Variants in HHIPL2 observed in about 807,000 individuals in gnomAD.
HHIPL2 encodes the protein HHIP-like protein 2.
Under a neutral mutation model 61.0 loss-of-function variants are expected in HHIPL2, and 61 were observed. The ratio of observed to expected loss-of-function variants is 1.00; its 90% CI spans 0.81 to 1.24. The LOEUF is 1.24. Ranked by LOEUF, HHIPL2 falls within the 50% of genes most tolerant of loss-of-function variation. The pLI is 0.00. For missense variants in HHIPL2, 885 were observed against 910.2 expected, an observed-to-expected ratio of 0.97 and a Z score of 0.36; for synonymous variants, 343 against 357.4, an observed-to-expected ratio of 0.96 and a Z score of 0.45.
intron 5 of HHIPL2, 126 bp downstream of exon 5, chr1:222,538,522 G>A: frequency 1.2e-6 from 1 of 842,968 alleles, no homozygotes. Flanking sequence ...GGTAATATGA[G>A]TGCATACATT....
chr1:222,526,609 G>C (rs567581376), intron 7 of HHIPL2, among the ~76,000 whole-genome samples: 95 of 151,226 alleles, frequency 6.3e-4, no homozygotes, highest in Admixed American at 2.8e-3. Context: ...GGAGGCTGAG[G>C]CAGGAATATC....
chr1:222,528,496 A>G (rs1027285434), intron 6 of HHIPL2, among the ~76,000 whole-genome samples: 2 of 152,088 alleles, frequency 1.3e-5, no homozygotes, highest in African/African-American at 2.4e-5. Context: ...GATCCCAGCT[A>G]TGCGGGAGGC....
chr1:222,527,002 C>T lies in HHIPL2; in HGVS notation c.1772G>A (p.Arg591His), dbSNP rs375638252. The T allele has an allele frequency of 1.1e-5, 17 of 1,613,516 alleles. No homozygotes were observed. Among genetic ancestry groups the T allele is most frequent in the Admixed American group, 6.7e-5 (4 of 59,922 alleles). The change falls in exon 7 of 9, where the codon CGT becomes CAT. Residue 591 changes from arginine to histidine, a missense_variant. Arg to His is a conservative substitution (Grantham distance 29). Transcript: ENST00000343410. ...GTCAACAAACTTGTAAATAGATCCACGTGGTGCATAGGCACTTGGGTAAGA... is the reference window on the plus strand; with the variant it reads ...GTCAACAAACTTGTAAATAGATCCATGTGGTGCATAGGCACTTGGGTAAGA... ...ATSYPSAYAPRGSIYKFVDPS... is the reference protein window; with the variant it reads ...ATSYPSAYAPHGSIYKFVDPS...
At chr1:222,538,009 G>A (rs1659337995) in intron 5 of HHIPL2, among the ~76,000 whole-genome samples, 1 of 152,054 alleles carries the variant, frequency 6.6e-6, no homozygotes, top group Non-Finnish European at 1.5e-5. Flanking sequence ...TCATACAACT[G>A]AATTTTACAA....
intron 7 of HHIPL2, among the ~76,000 whole-genome samples, chr1:222,525,974 G>A (rs924893077): frequency 6.6e-6 from 1 of 151,928 alleles, no homozygotes; most frequent in African/African-American, 2.4e-5. Flanking sequence ...AGTCCAGCCT[G>A]GGAAACAGAG....
chr1:222,533,762 G>A (rs1334744911), intron 5 of HHIPL2, among the ~76,000 whole-genome samples: 1 of 152,194 alleles, frequency 6.6e-6, no homozygotes, highest in Non-Finnish European at 1.5e-5. Flanking sequence ...TACCTTGAGA[G>A]TTTCCAGCAC....
rs768257191 is a variant in HHIPL2 at position 222,538,720 on chromosome 1, C to A, written c.1505G>T (p.Gly502Val). 1.1e-5 allele frequency: 17 copies of A among 1,613,942 alleles called. No homozygotes were observed. The highest frequency in any genetic ancestry group is 1.4e-5 in the Non-Finnish European group (16 of 1,179,810). ...YGHAVGKSVT[G>V]GYVYRGCESP... The stretch of plus-strand genomic sequence containing the variant: ...TTCACAACCACGATAGACATAACCT[C>A]CAGTGACTGACTTCCCCACTGCATG... Residue 502 changes from glycine to valine, a missense_variant, in exon 5 of 9, where the codon GGA (glycine) becomes GTA (valine). Gly to Val is a moderately radical substitution (Grantham distance 109). Transcript: ENST00000343410.
intron 6 of HHIPL2, among the ~76,000 whole-genome samples, chr1:222,530,194 G>C (rs544551471): frequency 1.3e-5 from 2 of 151,790 alleles, no homozygotes; most frequent in Admixed American, 6.6e-5. Flanking sequence ...TGTTTTCTAC[G>C]GTGAGAAGTC....
At chr1:222,529,084 A>G (rs1659133143) in intron 6 of HHIPL2, among the ~76,000 whole-genome samples, 1 of 152,160 alleles carries the variant, frequency 6.6e-6, no homozygotes, top group South Asian at 2.1e-4. Flanking sequence ...AGCCTCCCAA[A>G]GCAGTAGGAT....
chr1:222,537,471 A>C (rs550623053), intron 5 of HHIPL2, among the ~76,000 whole-genome samples: 1 of 151,800 alleles, frequency 6.6e-6, no homozygotes, highest in East Asian at 1.9e-4. Context: ...AAAGAAAGTA[A>C]ATACAAAAAA....
intron 3 of HHIPL2, 76 bp from the exon 4 acceptor site, chr1:222,540,417 G>A: frequency 8.4e-7 from 1 of 1,184,514 alleles, no homozygotes; most frequent in Non-Finnish European, 1.2e-6. Flanking sequence ...CGCCCAGAAG[G>A]GCCGACTCAT....
intron 3 of HHIPL2, 106 bp from the exon 4 acceptor site, chr1:222,540,447 C>G: frequency 1.2e-6 from 1 of 824,144 alleles, no homozygotes; most frequent in Non-Finnish European, 1.9e-6. Context: ...CAAGAGACTG[C>G]TAAGGATCCC....
chr1:222,546,638 C>G (rs1015255801), intron 1 of HHIPL2, among the ~76,000 whole-genome samples: 3 of 152,194 alleles, frequency 2.0e-5, no homozygotes, highest in African/African-American at 7.2e-5. Flanking sequence ...AGCTTCTACC[C>G]TAATGGGAAT....
chr1:222,534,645 T>C (rs1229681718), intron 5 of HHIPL2, among the ~76,000 whole-genome samples: 3 of 141,278 alleles, frequency 2.1e-5, no homozygotes, highest in Non-Finnish European at 4.5e-5. Context: ...ATCAAGTTTC[T>C]AGAGGTGAAA....
chr1:222,532,005 GGGTGCTGATCAGCCCTGGGAA>G lies in HHIPL2; in HGVS notation c.1663_1683del (p.Phe555_Thr561del), dbSNP rs747564253. 3 of 1,611,288 alleles carry G rather than the reference GGGTGCTGATCAGCCCTGGGAA, an allele frequency of 1.9e-6. No homozygotes were observed. The Admixed American group carries it at 5.0e-5, about 27-fold the overall frequency. On this transcript the variant is annotated inframe_deletion, in exon 6 of 9. Coordinates refer to ENST00000343410, the MANE Select transcript of HHIPL2 (RefSeq NM_024746.4). Reference sequence around the variant, plus strand: ...GCAAAGGAGATGATGAACTTGCTATGGGTGCTGATCAGCCCTGGGAAGGCACAGGACGTGGTGCTGCCCAGG... The same window carrying G: ...GCAAAGGAGATGATGAACTTGCTATGGGCACAGGACGTGGTGCTGCCCAGG...
In HHIPL2 at chr1:222,522,486, C is replaced by T. The variant is rs919798929; in HGVS notation, c.*115G>A. ...TCCCAGGGAGAGGAAAACCGCCCTG[C>T]CCCACCTCTACCCTGGCTTCCCAGA... On this transcript the variant is annotated 3_prime_UTR_variant, in exon 9 of 9. Transcript: ENST00000343410. 7.1e-6 allele frequency: 8 copies of T among 1,122,402 alleles called. No homozygotes were observed. In the Admixed American group the frequency reaches 1.3e-4, roughly 19 times the overall value. 69.5% of individuals were successfully genotyped at this position (1,122,402 alleles called of 1,614,324 possible). A position where few individuals can be genotyped will look rare whatever the true frequency, so the allele number is the denominator to read the frequency against.
rs566888995 is a variant in HHIPL2, at chr1:222,533,750, AC to A, written c.1578-1640del. Among the ~76,000 whole-genome samples the A allele has an allele frequency of 2.5e-3, 381 of 152,312 alleles. 2 individuals carry two copies. The highest frequency in any genetic ancestry group is 8.7e-3 in the African/African-American group (362 of 41,566). On this transcript the variant is annotated intron_variant, in intron 5 of 8. Transcript: ENST00000343410. ...GTGAACCCTATGATTTTTCCAGCAT[AC>A]TACCTTGAGAGTTTCCAGCACAGGG... is the stretch of plus-strand genomic sequence containing the variant.
chr1:222,543,833 C>G lies in HHIPL2; in HGVS notation c.678G>C (p.Gly226=). ...CAACAAAGAAGCGATGGGTGCCGTC[C>G]CCAGCATGGACCATGGAGACGGGGT... ...LRNPVSMVHA[G]DGTHRFFVAE... The change falls in exon 2 of 9, where the codon GGG becomes GGC. Residue 226 remains glycine (G), a synonymous_variant. Transcript: ENST00000343410. The G allele has an allele frequency of 6.2e-7, 1 of 1,614,106 alleles. No individual in the cohort carries two copies. The highest frequency in any genetic ancestry group is 1.1e-5 in the South Asian group (1 of 91,076).
chr1:222,531,179 T>C (rs1659180847), intron 6 of HHIPL2, among the ~76,000 whole-genome samples: 1 of 152,126 alleles, frequency 6.6e-6, no homozygotes, highest in South Asian at 2.1e-4. Flanking sequence ...TCTAAATAAA[T>C]AAATAAAATT....
Sources: allele counts gnomAD v4.1 joint callset (sites outside exome capture counted in the v4.1 genomes callset), GRCh38; gene constraint gnomAD v4.1.1; transcripts MANE v1.5; gene names NCBI Gene and HGNC (gene_info 2026-07-23, HGNC 2026-07-21).